The following GALNT10 variants were observed in gnomAD, a reference collection of about 807,000 sequenced individuals.
GALNT10 encodes the protein GalNAc transferase 10.
GALNT10 carries 41 observed loss-of-function variants against 75.0 expected under a neutral mutation model. That is an observed-to-expected ratio of 0.55 (90% confidence interval 0.43 to 0.71). GALNT10 has a LOEUF of 0.71. Ranked by LOEUF, GALNT10 falls within the 30% of genes least tolerant of loss-of-function variation. The probability of loss-of-function intolerance (pLI) is 0.00; values close to 1 mark genes in which losing one functional copy is unlikely to be tolerated. For missense variants in GALNT10, 727 were observed against 818.5 expected (o/e 0.89, Z 1.36); for synonymous variants, 302 against 313.0 (o/e 0.96, Z 0.37).
At chr5:154,238,752 A>G (rs947404459) in intron 1 of GALNT10, among the ~76,000 whole-genome samples, 5 of 152,166 alleles carry the variant, frequency 3.3e-5, no homozygotes, top group African/African-American at 1.2e-4. Context: ...CAGCTGTCCT[A>G]TTTTTATTTT....
chr5:154,275,807 A>G (rs916042482), intron 1 of GALNT10, among the ~76,000 whole-genome samples: 1 of 152,174 alleles, frequency 6.6e-6, no homozygotes, highest in African/African-American at 2.4e-5. Context: ...CACTTTTATG[A>G]TCTAGTCATG....
chr5:154,339,779 T>C (rs1011867160), intron 4 of GALNT10, among the ~76,000 whole-genome samples: 2 of 152,230 alleles, frequency 1.3e-5, no homozygotes, highest in African/African-American at 4.8e-5. Flanking sequence ...GATTTTCTTA[T>C]GAGGATTAAA....
At chr5:154,404,857 C>G (rs1236771123) in intron 8 of GALNT10, among the ~76,000 whole-genome samples, 1 of 152,226 alleles carries the variant, frequency 6.6e-6, no homozygotes, top group Non-Finnish European at 1.5e-5. Context: ...CTCTGCATGT[C>G]AAACTGTTTC....
At chr5:154,385,442 A>G (rs1352426231) in intron 6 of GALNT10, among the ~76,000 whole-genome samples, 4 of 151,780 alleles carry the variant, frequency 2.6e-5, no homozygotes, top group Non-Finnish European at 5.9e-5. Flanking sequence ...CTCTTGTCCA[A>G]ACCCACTTAA....
chr5:154,300,172 G>A (rs919999928), intron 3 of GALNT10, among the ~76,000 whole-genome samples: 1 of 152,158 alleles, frequency 6.6e-6, no homozygotes, highest in African/African-American at 2.4e-5. Context: ...TAGACTGTTT[G>A]TAGTTCAGCT....
At chr5:154,191,122 A>G (rs1196727152) in intron 1 of GALNT10, 97 bp downstream of exon 1, 6 of 828,858 alleles carry the variant, frequency 7.2e-6, no homozygotes, top group Middle Eastern at 5.0e-4. Flanking sequence ...CTGCCTCCTC[A>G]GAGTCAGCTC....
chr5:154,285,799 T>TTTC (rs1483925308), intron 1 of GALNT10, among the ~76,000 whole-genome samples: 2 of 152,142 alleles, frequency 1.3e-5, no homozygotes, highest in African/African-American at 4.8e-5. Flanking sequence ...AACACTTGTA[T>TTTC]TTCTAAATGC....
chr5:154,232,058 A>G (rs1368542094), intron 1 of GALNT10, among the ~76,000 whole-genome samples: 1 of 152,222 alleles, frequency 6.6e-6, no homozygotes, highest in African/African-American at 2.4e-5. Flanking sequence ...GCAAACTACC[A>G]AACAGTGACC....
intron 1 of GALNT10, among the ~76,000 whole-genome samples, chr5:154,238,879 C>T (rs1198751246): frequency 6.6e-6 from 1 of 152,160 alleles, no homozygotes; most frequent in East Asian, 1.9e-4. Flanking sequence ...TGTTACTGTG[C>T]ACCAAGTGTT....
At chr5:154,241,531 GT>G (rs549449814) in intron 1 of GALNT10, among the ~76,000 whole-genome samples, 3,081 of 146,386 alleles carry the variant, frequency 0.021, 83 homozygotes, top group African/African-American at 0.07. Flanking sequence ...TGTTAACAAG[GT>G]TTTTTTTTTT....
intron 4 of GALNT10, among the ~76,000 whole-genome samples, chr5:154,355,593 G>A (rs1439021528): frequency 6.6e-6 from 1 of 152,244 alleles, no homozygotes; most frequent in African/African-American, 2.4e-5. Flanking sequence ...CATGTTTGAG[G>A]CAGCAGCTGC....
chr5:154,330,756 C>T (rs980228035), intron 4 of GALNT10, among the ~76,000 whole-genome samples: 3 of 152,210 alleles, frequency 2.0e-5, no homozygotes, highest in African/African-American at 7.2e-5. Context: ...CTTGCAGAGG[C>T]ACTAATAAGC....
At chr5:154,354,387 G>A (rs1755257663) in intron 4 of GALNT10, among the ~76,000 whole-genome samples, 1 of 152,182 alleles carries the variant, frequency 6.6e-6, no homozygotes, top group African/African-American at 2.4e-5. Flanking sequence ...TCACAGTAGT[G>A]CCAACACCCA....
At chr5:154,354,402 G>T (rs1755257822) in intron 4 of GALNT10, among the ~76,000 whole-genome samples, 2 of 152,172 alleles carry the variant, frequency 1.3e-5, no homozygotes, top group Admixed American at 6.5e-5. Flanking sequence ...CACCCAGCAG[G>T]TATGCTCTTG....
chr5:154,309,926 T>A (rs190655207), intron 3 of GALNT10, among the ~76,000 whole-genome samples: 204 of 152,342 alleles, frequency 1.3e-3, no homozygotes, highest in African/African-American at 4.7e-3. Flanking sequence ...CTCACCTTCC[T>A]AGAATATCAG....
intron 4 of GALNT10, chr5:154,349,636 G>A (rs948565134): frequency 6.6e-6 from 1 of 152,036 alleles, no homozygotes; most frequent in African/African-American, 2.4e-5. Context: ...AACAAAGCAG[G>A]TCAAAACTCC....
At chr5:154,194,517 T>C (rs1015033232) in intron 1 of GALNT10, among the ~76,000 whole-genome samples, 1 of 152,188 alleles carries the variant, frequency 6.6e-6, no homozygotes, top group African/African-American at 2.4e-5. Context: ...CCTACATTCT[T>C]TCTGTCATTC....
chr5:154,365,730 T>C (rs1011064282), intron 4 of GALNT10, among the ~76,000 whole-genome samples: 4 of 152,198 alleles, frequency 2.6e-5, no homozygotes, highest in Admixed American at 2.0e-4. Flanking sequence ...GGGGACTGTC[T>C]GCCCTCTCAC....
At chr5:154,314,039 A>G (rs568116978) in intron 3 of GALNT10, among the ~76,000 whole-genome samples, 1 of 152,318 alleles carries the variant, frequency 6.6e-6, no homozygotes, top group African/African-American at 2.4e-5. Context: ...AAATCCTAGA[A>G]TTTTGAACTT....
Sources: gnomAD v4.1 joint callset for allele counts (sites outside exome capture counted in the v4.1 genomes callset) on GRCh38, gnomAD v4.1.1 for gene constraint, MANE v1.5 for transcripts, NCBI Gene and HGNC (gene_info 2026-07-23, HGNC 2026-07-21) for gene names.